LEMD1: variants seen among roughly 807,000 people sequenced by gnomAD.
LEMD1 encodes LEM domain containing 1, also known as LEM domain-containing protein 1.
In LEMD1, 18 loss-of-function variants were observed where a neutral mutation model predicts 17.4. The observed-to-expected ratio is 1.04, with a 90% CI of 0.72 to 1.54. The LOEUF is 1.54. LEMD1 is among the 40% of genes most tolerant of loss of function. LEMD1 has a pLI of 0.00. For missense variants in LEMD1, 195 were observed against 210.4 expected (o/e 0.93, Z 0.45); for synonymous variants, 88 against 77.8 (o/e 1.13, Z -0.69).
chr1:205,442,531 A>T (rs909159347), intron 1 of LEMD1, among the ~76,000 whole-genome samples: 5 of 152,318 alleles, frequency 3.3e-5, no homozygotes, highest in Admixed American at 3.3e-4. Context: ...GGTGGATCCA[A>T]GTCCTGTCAA....
chr1:205,401,286 T>C (rs1664840065), intron 4 of LEMD1, among the ~76,000 whole-genome samples: 2 of 152,304 alleles, frequency 1.3e-5, no homozygotes, highest in Admixed American at 6.5e-5. Flanking sequence ...ACTTCCACAA[T>C]GGTTGAACTA....
chr1:205,407,352 ATTT>A (rs1665165605), intron 4 of LEMD1, among the ~76,000 whole-genome samples: 1 of 146,268 alleles, frequency 6.8e-6, no homozygotes, highest in Non-Finnish European at 1.5e-5. Flanking sequence ...AAAAAAAAGG[ATTT>A]GAACTTGGAG....
At chr1:205,401,341 C>A (rs143927182) in intron 4 of LEMD1, among the ~76,000 whole-genome samples, 9,836 of 152,272 alleles carry the variant, frequency 0.065, 413 homozygotes, top group East Asian at 0.11. Context: ...TATTTCTCCA[C>A]ATCCTCTCCA....
rs1483818351 is a variant in LEMD1 at position 205,381,382 on chromosome 1, C to T, written c.*276G>A. On this transcript the variant is annotated 3_prime_UTR_variant, in exon 6 of 6. Coordinates refer to ENST00000367153, the MANE Select transcript of LEMD1 (RefSeq NM_001199050.2). The stretch of plus-strand genomic sequence containing the variant: ...AGAAAGAAAAACGCCAGACAGTTTC[C>T]TTGTTTGACGCCTGCTCAAATATGG... The T allele has an allele frequency of 2.2e-6, 1 of 454,178 alleles. No homozygotes were observed. The highest frequency in any genetic ancestry group is 4.0e-5 in the East Asian group (1 of 25,308). The allele number at this position is 454,178 out of a possible 1,614,324, so 28.1% of individuals were successfully genotyped here. A position where few individuals can be genotyped will look rare whatever the true frequency, so the allele number is the denominator to read the frequency against.
intron 1 of LEMD1, among the ~76,000 whole-genome samples, chr1:205,443,859 C>T (rs1214231244): frequency 6.6e-6 from 1 of 152,196 alleles, no homozygotes; most frequent in Non-Finnish European, 1.5e-5. Context: ...GTGAACCCCA[C>T]TCCTCCCTCA....
chr1:205,443,058 CAGGTGGATTCCCGTGTAATCAGTTATTGT>C (rs1159407198), intron 1 of LEMD1, among the ~76,000 whole-genome samples: 1 of 152,192 alleles, frequency 6.6e-6, no homozygotes, highest in African/African-American at 2.4e-5. Context: ...GGAGGGAGGG[CAGGTGGATTCCCGTGTAATCAGTTATTGT>C]CACACGTGCA....
At position 205,420,460 on chromosome 1, in the gene LEMD1, A is replaced by T. The variant is rs756206067; in HGVS notation, c.77T>A (p.Ile26Lys). The T allele has an allele frequency of 2.5e-6, 4 of 1,612,644 alleles. No individual in the cohort carries two copies. The South Asian group carries it at 3.3e-5, about 13-fold the overall frequency. The change falls in exon 2 of 6, where the codon ATA (isoleucine) becomes AAA (lysine). Residue 26 changes from isoleucine to lysine, a missense_variant. By Grantham distance (102) the Ile-to-Lys change is moderately radical (BLOSUM62 -3). Coordinates refer to ENST00000367153, the MANE Select transcript of LEMD1 (RefSeq NM_001199050.2). ...TTGCTGCATACTGTACATACGTAGTATTGGGCCAGGTGAAAATCCAAGCTT... is the reference window on the plus strand; with the variant it reads ...TTGCTGCATACTGTACATACGTAGTTTTGGGCCAGGTGAAAATCCAAGCTT... ...LEKLGFSPGP[I>K]LPSTRKLYEK...
chr1:205,383,559 A>T (rs938135030), intron 5 of LEMD1, among the ~76,000 whole-genome samples: 1 of 148,372 alleles, frequency 6.7e-6, no homozygotes, highest in Non-Finnish European at 1.5e-5. Context: ...AACTAAAGCC[A>T]CTCTTCTGAC....
chr1:205,446,295 C>T (rs1666387042), intron 1 of LEMD1, among the ~76,000 whole-genome samples: 1 of 152,234 alleles, frequency 6.6e-6, no homozygotes, highest in Admixed American at 6.5e-5. Context: ...AGGCCCAGCC[C>T]CAGCAAAGCG....
chr1:205,445,407 A>T (rs1020066418), intron 1 of LEMD1, among the ~76,000 whole-genome samples: 1 of 152,176 alleles, frequency 6.6e-6, no homozygotes, highest in East Asian at 1.9e-4. Context: ...AGAAGCCCGC[A>T]TTCTCCTTGG....
At chr1:205,444,122 C>A (rs542738377) in intron 1 of LEMD1, among the ~76,000 whole-genome samples, 2 of 152,110 alleles carry the variant, frequency 1.3e-5, no homozygotes, top group African/African-American at 4.8e-5. Context: ...GGGAACTCCC[C>A]TCCCATCCTC....
At chr1:205,383,480 T>G (rs191229692) in intron 5 of LEMD1, among the ~76,000 whole-genome samples, 5 of 152,254 alleles carry the variant, frequency 3.3e-5, no homozygotes, top group Admixed American at 3.3e-4. Flanking sequence ...ATATTTATCT[T>G]CTCTTTATGC....
At chr1:205,401,617 G>T (rs1247706423) in intron 4 of LEMD1, among the ~76,000 whole-genome samples, 1 of 151,990 alleles carries the variant, frequency 6.6e-6, no homozygotes, top group East Asian at 1.9e-4. Context: ...AGATGAGTAG[G>T]TTGCAAAAAT....
At chr1:205,405,639 T>C (rs962069252) in intron 4 of LEMD1, among the ~76,000 whole-genome samples, 21 of 151,886 alleles carry the variant, frequency 1.4e-4, no homozygotes, top group Middle Eastern at 3.2e-3. Context: ...TCTTTGCCTT[T>C]GGTTTGAATT....
At chr1:205,384,966 T>C (rs954881681) in intron 4 of LEMD1, among the ~76,000 whole-genome samples, 2 of 151,724 alleles carry the variant, frequency 1.3e-5, no homozygotes, top group African/African-American at 2.4e-5. Context: ...CCCTATCTAG[T>C]AAGCACTATT....
intron 4 of LEMD1, among the ~76,000 whole-genome samples, chr1:205,387,769 C>G (rs940018340): frequency 2.6e-5 from 4 of 152,182 alleles, no homozygotes; most frequent in African/African-American, 9.7e-5. Flanking sequence ...CACCACACTC[C>G]CAAGGCCTGA....
chr1:205,439,671 G>A (rs539004423), intron 1 of LEMD1, among the ~76,000 whole-genome samples: 114 of 152,264 alleles, frequency 7.5e-4, no homozygotes, highest in African/African-American at 2.6e-3. Flanking sequence ...TTCTGTCCCT[G>A]GGGAGCTAGA....
At chr1:205,414,743 C>G (rs2102423352) in intron 4 of LEMD1, among the ~76,000 whole-genome samples, 1 of 152,134 alleles carries the variant, frequency 6.6e-6, no homozygotes, top group East Asian at 1.9e-4. Context: ...TTTCAGTTAC[C>G]CAGGTGTGGT....
rs1663703510 is a variant in LEMD1, at chr1:205,381,737, A to G, written c.467T>C (p.Leu156Ser). 9 of 1,614,138 alleles carry G rather than the reference A, an allele frequency of 5.6e-6. No homozygotes were observed. Among genetic ancestry groups the G allele is most frequent in the Non-Finnish European group, 6.8e-6 (8 of 1,180,042 alleles). ...GAAAATACCAAGCACAGCAAGCTTC[A>G]AGCCCACTGGGAAACCTTCTTCTCT... ...SWREEGFPVG[L>S]KLAVLGIFII... The change falls in exon 6 of 6, where the codon TTG (leucine) becomes TCG (serine). Residue 156 changes from leucine to serine, a missense_variant. Leu to Ser is a moderately radical substitution (Grantham distance 145). Coordinates refer to ENST00000367153, the MANE Select transcript of LEMD1 (RefSeq NM_001199050.2).
Sources: gnomAD v4.1 joint callset for allele counts (sites outside exome capture counted in the v4.1 genomes callset) on GRCh38, gnomAD v4.1.1 for gene constraint, MANE v1.5 for transcripts, NCBI Gene and HGNC (gene_info 2026-07-23, HGNC 2026-07-21) for gene names.